The following SNX20 variants were observed in gnomAD, a reference collection of about 807,000 sequenced individuals.
SNX20 encodes the protein sorting nexin-20.
Under a neutral mutation model 24.5 loss-of-function variants are expected in SNX20, and 21 were observed. The observed-to-expected ratio is 0.86, with a 90% confidence interval of 0.61 to 1.23. SNX20 has a LOEUF of 1.23. Ranked by LOEUF, SNX20 falls within the 50% of genes most tolerant of loss-of-function variation. The pLI is 0.00. For missense variants in SNX20, 433 were observed against 430.8 expected (o/e 1.00, Z -0.04); for synonymous variants, 206 against 192.8 (o/e 1.07, Z -0.57).
chr16:50,679,142 T>C (rs1456708550), intron 1 of SNX20, among the ~76,000 whole-genome samples: 4 of 152,122 alleles, frequency 2.6e-5, no homozygotes, highest in East Asian at 1.9e-4. Flanking sequence ...CAGTGGAACA[T>C]AGAGGTAGAG....
intron 2 of SNX20, among the ~76,000 whole-genome samples, chr16:50,677,026 G>A (rs538819834): frequency 6.6e-6 from 1 of 152,302 alleles, no homozygotes; most frequent in African/African-American, 2.4e-5. Context: ...CTCCTATGCA[G>A]GGCAGGACTG....
chr16:50,678,309 A>G (rs547565434), intron 1 of SNX20, among the ~76,000 whole-genome samples: 19 of 152,366 alleles, frequency 1.2e-4, no homozygotes, highest in Middle Eastern at 3.4e-3. Flanking sequence ...CTGATAGCTT[A>G]TTATACCCAC....
intron 1 of SNX20, among the ~76,000 whole-genome samples, chr16:50,677,929 G>C (rs544943133): frequency 6.6e-6 from 1 of 152,160 alleles, no homozygotes; most frequent in Non-Finnish European, 1.5e-5. Flanking sequence ...TGTTCAAGTT[G>C]AACATGGCCA....
Position 50,677,366 on chromosome 16 carries a change from C to T in SNX20, c.130+31G>A, listed in dbSNP as rs751559288. On this transcript the variant is annotated intron_variant, in intron 2 of 3. Transcript: ENST00000330943. ...TACTTTGAATGTCTTCAGACCTCTC[C>T]CCCAGACCGAGTCTCAAGCCTCAAG... is the stretch of plus-strand genomic sequence containing the variant. 2.6e-6 allele frequency: 4 copies of T among 1,546,922 alleles called. No homozygotes were observed. In the South Asian group the frequency reaches 3.6e-5, roughly 14 times the overall value.
rs1369551024 is a variant in SNX20, at chr16:50,675,750, A to G, written c.282+20T>C. 2.5e-6 allele frequency: 4 copies of G among 1,610,812 alleles called. No homozygotes were observed. Among genetic ancestry groups the G allele is most frequent in the East Asian group, 2.2e-5 (1 of 44,752 alleles). On this transcript the variant is annotated intron_variant, in intron 3 of 3. Coordinates refer to ENST00000330943, the MANE Select transcript of SNX20 (RefSeq NM_182854.4). ...GAAGCAGAGTGAAAGAGGCTCCACC[A>G]TTTCCCAATCTCTGCTTACCACAAA... is the stretch of plus-strand genomic sequence containing the variant.
downstream of SNX20, chr16:50,670,423 C>T (rs1963018479): frequency 6.6e-6 from 1 of 152,180 alleles, no homozygotes; most frequent in Non-Finnish European, 1.5e-5. Context: ...ATTCTGTGTT[C>T]CTAACAAGGC....
intron 1 of SNX20, 36 bp from the exon 2 acceptor site, chr16:50,677,571 C>G (rs747783719): frequency 6.8e-7 from 1 of 1,466,092 alleles, no homozygotes; most frequent in Non-Finnish European, 9.1e-7. Context: ...AGGACCCACT[C>G]CAGTTGGGGT....
intron 1 of SNX20, among the ~76,000 whole-genome samples, chr16:50,680,191 C>T (rs1166597175): frequency 1.3e-5 from 2 of 152,146 alleles, no homozygotes; most frequent in African/African-American, 4.8e-5. Flanking sequence ...GGTAGCTTCC[C>T]ATCCCTCTCC....
chr16:50,674,252 TATTTA>T lies in SNX20; in HGVS notation c.283-183_283-179del, dbSNP rs1373220842. Among the ~76,000 whole-genome samples, 474 of 150,796 alleles carry T rather than the reference TATTTA, an allele frequency of 3.1e-3. 6 individuals are homozygous for T. Among genetic ancestry groups the T allele is most frequent in the African/African-American group, 0.011 (431 of 40,318 alleles). ...TTGTTTATTTATTTATTTATTTATT[TATTTA>T]TTTATTTTTAGAGACAGGGTCTCGC... On this transcript the variant is annotated intron_variant, in intron 3 of 3. Transcript: ENST00000330943.
chr16:50,667,866 G>T, downstream of SNX20: 1 of 764,042 alleles, frequency 1.3e-6, no homozygotes, highest in South Asian at 1.7e-5. Context: ...ATGAGGGCTC[G>T]GCGTGGGGAC....
At position 50,673,963 on chromosome 16, in the gene SNX20, T is replaced by G. The variant is rs191649431; in HGVS notation, c.394A>C (p.Arg132=). Residue 132 remains arginine, a synonymous_variant, in exon 4 of 4, where the codon AGG becomes CGG. Coordinates refer to ENST00000330943, the MANE Select transcript of SNX20 (RefSeq NM_182854.4). This position sits in a 1 kb window ranked among gnomAD's most constrained non-coding sequence, Gnocchi z 4.1. The stretch of plus-strand genomic sequence containing the variant: ...AACTCCACGTCTTCGATCTCCTCCC[T>G]GAACGTCTTCAGCAGCGCTTTCTGG... ...KLQKALLKTF[R]EEIEDVEFPR... is the part of the protein sequence containing the mutation. 55 of 1,613,334 alleles carry G rather than the reference T, an allele frequency of 3.4e-5. 1 individual carries two copies. The African/African-American group carries it at 7.2e-4, about 21-fold the overall frequency.
chr16:50,677,965 G>C (rs1230238796), intron 1 of SNX20, among the ~76,000 whole-genome samples: 2 of 152,132 alleles, frequency 1.3e-5, no homozygotes, highest in Admixed American at 6.5e-5. Flanking sequence ...CCAGCGCTTT[G>C]GGAGGCTGGG....
chr16:50,674,010 C>T lies in SNX20; in HGVS notation c.347G>A (p.Arg116His). 1.2e-6 allele frequency: 2 copies of T among 1,611,866 alleles called. No homozygotes were observed. The highest frequency in any genetic ancestry group is 1.7e-6 in the Non-Finnish European group (2 of 1,179,136). The change falls in exon 4 of 4, where the codon CGC (arginine) becomes CAC (histidine). Residue 116 changes from arginine to histidine, a missense_variant. Transcript: ENST00000330943. Reference sequence around the variant, plus strand: ...CTGGAGCTTCGCGAAGTCGGAATAGCGCCGTTCCAGGACGGCCTTGTTGTT... The same window carrying T: ...CTGGAGCTTCGCGAAGTCGGAATAGTGCCGTTCCAGGACGGCCTTGTTGTT... ...FDNNKAVLERRYSDFAKLQKA... is the reference protein window; with the variant it reads ...FDNNKAVLERHYSDFAKLQKA...
downstream of SNX20, chr16:50,669,334 A>G: frequency 1.8e-6 from 1 of 568,072 alleles, no homozygotes; most frequent in South Asian, 2.2e-5. Flanking sequence ...GCTTCCACTT[A>G]TGGTGGAAGG....
At chr16:50,677,162 G>A (rs1386896108) in intron 2 of SNX20, among the ~76,000 whole-genome samples, 10 of 152,174 alleles carry the variant, frequency 6.6e-5, no homozygotes, top group Non-Finnish European at 2.9e-5. Flanking sequence ...GTTCACTGAT[G>A]TCCTGCCCTG....
chr16:50,670,933 T>C (rs1024454224), downstream of SNX20: 13 of 152,222 alleles, frequency 8.5e-5, no homozygotes, highest in African/African-American at 2.7e-4. Flanking sequence ...AGTCCCTTTT[T>C]GGGAAGCCTG....
downstream of SNX20, chr16:50,669,093 C>T: frequency 6.5e-7 from 1 of 1,545,948 alleles, no homozygotes; most frequent in Non-Finnish European, 8.8e-7. Flanking sequence ...TGGTGCTGTC[C>T]CTGTCTCGCC....
intron 1 of SNX20, among the ~76,000 whole-genome samples, chr16:50,677,829 A>C (rs562295477): frequency 7.2e-5 from 11 of 152,236 alleles, no homozygotes; most frequent in Admixed American, 2.6e-4. Flanking sequence ...GATTTCAAGT[A>C]AAAGTATTGG....
At chr16:50,674,126 G>A (rs751097760) in intron 3 of SNX20, 52 bp from the exon 4 acceptor site, 4 of 1,533,636 alleles carry the variant, frequency 2.6e-6, no homozygotes, top group Non-Finnish European at 3.5e-6. Flanking sequence ...GGGCTGCGGC[G>A]GACGGAGCAC....
Sources: gnomAD v4.1 joint callset for allele counts (sites outside exome capture counted in the v4.1 genomes callset) on GRCh38, gnomAD v4.1.1 for gene constraint, Gnocchi (gnomAD v3.1) non-coding constraint, MANE v1.5 for transcripts, NCBI Gene and HGNC (gene_info 2026-07-23, HGNC 2026-07-21) for gene names.